RMST: variants seen among roughly 807,000 people sequenced by gnomAD.
RMST encodes long intergenic non-protein coding RNA 54.
At chr12:97,532,354 T>C (rs1161827782) in intron 11 of RMST, among the ~76,000 whole-genome samples, 2 of 151,986 alleles carry the variant, frequency 1.3e-5, no homozygotes, top group Admixed American at 6.6e-5. Flanking sequence ...TCCTCTGTTA[T>C]TCAAAGGTGG....
chr12:97,563,110 C>G (rs1342145478), intron 13 of RMST: 1 of 152,156 alleles, frequency 6.6e-6, no homozygotes, highest in African/African-American at 2.4e-5. Flanking sequence ...AGAGCAATGT[C>G]ACTTTAATGC....
At chr12:97,544,351 G>A (rs1882778648) in intron 11 of RMST, among the ~76,000 whole-genome samples, 1 of 152,098 alleles carries the variant, frequency 6.6e-6, no homozygotes, top group Admixed American at 6.6e-5. Flanking sequence ...TGGTTAGCCT[G>A]ATAGTAAAAA....
intron 10 of RMST, among the ~76,000 whole-genome samples, chr12:97,516,483 T>C (rs540565671): frequency 4.6e-5 from 7 of 152,148 alleles, no homozygotes; most frequent in Admixed American, 4.6e-4. Flanking sequence ...CTATTAAATA[T>C]TTGAAAACTT....
chr12:97,484,838 A>T (rs1357975973), intron 5 of RMST, among the ~76,000 whole-genome samples: 1 of 152,134 alleles, frequency 6.6e-6, no homozygotes, highest in African/African-American at 2.4e-5. Context: ...AATTCCTTTC[A>T]TCTTTTTGAC....
At chr12:97,517,354 A>G (rs7306321) in intron 10 of RMST, among the ~76,000 whole-genome samples, 6,129 of 151,952 alleles carry the variant, frequency 0.04, 412 homozygotes, top group African/African-American at 0.14. Flanking sequence ...TAAAATTTTA[A>G]GTTTATTAAG....
intron 10 of RMST, among the ~76,000 whole-genome samples, chr12:97,522,025 T>C (rs557332641): frequency 7.9e-5 from 12 of 152,364 alleles, no homozygotes; most frequent in Non-Finnish European, 1.5e-4. Context: ...TAGTCTATGA[T>C]GATTTTGTGC....
intron 5 of RMST, among the ~76,000 whole-genome samples, chr12:97,469,182 ATG>A (rs1178044914): frequency 1.8e-5 from 2 of 112,696 alleles, no homozygotes; most frequent in South Asian, 5.7e-4. Flanking sequence ...GTGTGTGTGT[ATG>A]TGTGTATATA....
chr12:97,507,627 G>A (rs1565926600), intron 10 of RMST, among the ~76,000 whole-genome samples: 1 of 152,164 alleles, frequency 6.6e-6, no homozygotes, highest in Non-Finnish European at 1.5e-5. Context: ...GGCTGGAGAG[G>A]GAGATAAATA....
At chr12:97,543,599 C>T (rs912425227) in intron 11 of RMST, among the ~76,000 whole-genome samples, 2 of 151,900 alleles carry the variant, frequency 1.3e-5, no homozygotes, top group African/African-American at 4.8e-5. Context: ...AAATGATGTG[C>T]GTATGACTAT....
intron 9 of RMST, among the ~76,000 whole-genome samples, chr12:97,495,177 G>GGGGT (rs1555230752): frequency 5.5e-4 from 10 of 18,044 alleles, no homozygotes; most frequent in African/African-American, 1.2e-3. Flanking sequence ...TTATTCTTAT[G>GGGGT]GGGGGGGAGC....
intron 5 of RMST, among the ~76,000 whole-genome samples, chr12:97,482,294 T>C (rs1407759429): frequency 2.6e-5 from 4 of 152,144 alleles, no homozygotes; most frequent in East Asian, 3.8e-4. Flanking sequence ...TTCTCTTCTG[T>C]GGTAGCTCGA....
intron 10 of RMST, among the ~76,000 whole-genome samples, chr12:97,527,174 G>T (rs1005468855): frequency 6.6e-6 from 1 of 152,122 alleles, no homozygotes. Context: ...GATAGGAAGG[G>T]CTGTCACAAG....
intron 5 of RMST, among the ~76,000 whole-genome samples, chr12:97,483,277 G>C (rs1402444000): frequency 6.6e-6 from 1 of 152,042 alleles, no homozygotes; most frequent in East Asian, 1.9e-4. Context: ...AGGTTTTTGT[G>C]GTAAGCATGT....
chr12:97,555,247 C>T (rs1565939473), intron 11 of RMST, among the ~76,000 whole-genome samples: 1 of 152,166 alleles, frequency 6.6e-6, no homozygotes, highest in Non-Finnish European at 1.5e-5. Flanking sequence ...AATGACAATA[C>T]AGCCTTTATT....
chr12:97,523,117 T>G (rs769509759), intron 10 of RMST, among the ~76,000 whole-genome samples: 1 of 152,208 alleles, frequency 6.6e-6, no homozygotes, highest in South Asian at 2.1e-4. Context: ...GACACGAGCA[T>G]TTAGTTGCAC....
chr12:97,557,934 C>T (rs556705201), intron 11 of RMST, among the ~76,000 whole-genome samples: 1 of 152,076 alleles, frequency 6.6e-6, no homozygotes, highest in Admixed American at 6.5e-5. Context: ...CAACTATCTT[C>T]GACTTATAGG....
intron 10 of RMST, among the ~76,000 whole-genome samples, chr12:97,496,341 A>G (rs1347283736): frequency 2.6e-5 from 4 of 152,144 alleles, no homozygotes; most frequent in African/African-American, 9.7e-5. Flanking sequence ...GAAGAATTAG[A>G]AGAATTCCAA....
At chr12:97,561,629 CTTTTTTTTT>C (rs9331504) in intron 13 of RMST, among the ~76,000 whole-genome samples, 4 of 56,648 alleles carry the variant, frequency 7.1e-5, no homozygotes, top group African/African-American at 1.5e-4. Flanking sequence ...AGTTTGAAGG[CTTTTTTTTT>C]TTTTTTTTTT....
At chr12:97,560,176 A>G (rs909419342) in intron 11 of RMST, among the ~76,000 whole-genome samples, 1 of 152,204 alleles carries the variant, frequency 6.6e-6, no homozygotes, top group African/African-American at 2.4e-5. Flanking sequence ...AAGAAGAAGA[A>G]GAAGAAGATC....
Sources: gnomAD v4.1 joint callset for allele counts (sites outside exome capture counted in the v4.1 genomes callset) on GRCh38, gnomAD v4.1.1 for gene constraint, MANE v1.5 for transcripts, NCBI Gene and HGNC (gene_info 2026-07-23, HGNC 2026-07-21) for gene names.